Variants in BMPR2 observed in about 807,000 individuals in gnomAD.
BMPR2 encodes bone morphogenetic protein receptor type-2.
BMPR2 carries 29 observed loss-of-function variants against 100.8 expected under a neutral mutation model. The observed-to-expected ratio is 0.29, with a 90% CI of 0.21 to 0.39. BMPR2 has a LOEUF of 0.39. Ranked by LOEUF, BMPR2 falls within the 10% of genes least tolerant of loss-of-function variation. The probability of loss-of-function intolerance (pLI) is 1.00; values close to 1 mark genes in which losing one functional copy is unlikely to be tolerated. For synonymous variants in BMPR2, 382 were observed against 442.3 expected, an observed-to-expected ratio of 0.86 and a Z score of 1.71; for missense variants, 1,011 against 1,274.5, an observed-to-expected ratio of 0.79 and a Z score of 3.15.
chr2:202,444,112 C>T (rs1043301960), intron 1 of BMPR2, among the ~76,000 whole-genome samples: 3 of 150,540 alleles, frequency 2.0e-5, no homozygotes, highest in African/African-American at 7.5e-5. Context: ...ACTTTATGGC[C>T]CTAAAGAAAG....
At chr2:202,391,970 C>T (rs575735863) in intron 1 of BMPR2, among the ~76,000 whole-genome samples, 303 of 152,034 alleles carry the variant, frequency 2.0e-3, no homozygotes, top group African/African-American at 6.8e-3. Flanking sequence ...CCATATTGCC[C>T]GGGATGGTCT....
chr2:202,468,444 C>T (rs1439589499), intron 3 of BMPR2, among the ~76,000 whole-genome samples: 24 of 152,268 alleles, frequency 1.6e-4, no homozygotes, highest in Non-Finnish European at 1.5e-5. Flanking sequence ...GCCCTCTAAC[C>T]TAGGTGACAC....
intron 1 of BMPR2, among the ~76,000 whole-genome samples, chr2:202,395,047 C>T (rs1436438257): frequency 2.0e-5 from 3 of 151,972 alleles, no homozygotes; most frequent in Non-Finnish European, 4.4e-5. Flanking sequence ...CCACGCCTGG[C>T]TAATTTTTGT....
chr2:202,510,539 A>G (rs1687600378), intron 3 of BMPR2, among the ~76,000 whole-genome samples: 1 of 152,230 alleles, frequency 6.6e-6, no homozygotes, highest in South Asian at 2.1e-4. Flanking sequence ...AGGAAAAACT[A>G]TAGGCACATA....
chr2:202,483,339 G>A (rs1283835575), intron 3 of BMPR2, among the ~76,000 whole-genome samples: 1 of 150,974 alleles, frequency 6.6e-6, no homozygotes, highest in Non-Finnish European at 1.5e-5. Context: ...TAATGTGCAA[G>A]TTTTTATTTT....
chr2:202,421,310 G>GAA (rs35984037), intron 1 of BMPR2, among the ~76,000 whole-genome samples: 16 of 94,860 alleles, frequency 1.7e-4, no homozygotes, highest in African/African-American at 4.9e-4. Context: ...TCTCCAAAAG[G>GAA]AAAAAAAAAA....
chr2:202,407,914 A>C (rs1399657087), intron 1 of BMPR2, among the ~76,000 whole-genome samples: 5 of 150,132 alleles, frequency 3.3e-5, no homozygotes, highest in Non-Finnish European at 7.4e-5. Flanking sequence ...GCTCACTGCA[A>C]GCTCCGCCTC....
chr2:202,385,211 A>G (rs750950254), intron 1 of BMPR2, among the ~76,000 whole-genome samples: 7 of 151,236 alleles, frequency 4.6e-5, no homozygotes, highest in East Asian at 1.9e-4. Flanking sequence ...GAGCAAATCT[A>G]TGTAATTGTA....
intron 10 of BMPR2, among the ~76,000 whole-genome samples, chr2:202,547,720 T>C (rs950870386): frequency 1.1e-4 from 16 of 142,070 alleles, no homozygotes; most frequent in Non-Finnish European, 1.8e-4. Flanking sequence ...GAGGCAGAGG[T>C]TGCAGTGAAC....
At chr2:202,393,882 CGAGAGAGAGAGAGAGAGA>C (rs56708616) in intron 1 of BMPR2, among the ~76,000 whole-genome samples, 6,987 of 97,978 alleles carry the variant, frequency 0.071, 279 homozygotes, top group African/African-American at 0.13. Flanking sequence ...AATGAGAGAG[CGAGAGAGAGAGAGAGAGA>C]GAGAGAGAGA....
rs959997108 is a variant in BMPR2, at chr2:202,532,852, T to C, written c.1276+120T>C. 4.1e-6 allele frequency: 5 copies of C among 1,210,250 alleles called. No homozygotes were observed. Among genetic ancestry groups the C allele is most frequent in the Non-Finnish European group, 5.8e-6 (5 of 862,222 alleles). The allele number at this position is 1,210,250 out of a possible 1,614,324, so 75.0% of individuals were successfully genotyped here. A position where few individuals can be genotyped will look rare whatever the true frequency, so the allele number is the denominator to read the frequency against. On this transcript the variant is annotated intron_variant, in intron 9 of 12. Transcript: ENST00000374580. This position sits in a 1 kb window ranked among gnomAD's most constrained non-coding sequence, Gnocchi z 4.1. ...ATCTTTTTACTTTCATTTAAACCTT[T>C]AGTTCATTGCTATCTAGTGTTTAGA...
chr2:202,501,169 T>A (rs889768002), intron 3 of BMPR2, among the ~76,000 whole-genome samples: 1 of 152,200 alleles, frequency 6.6e-6, no homozygotes, highest in Non-Finnish European at 1.5e-5. Context: ...AGGTTAAATA[T>A]CTAGGCCTAA....
intron 1 of BMPR2, among the ~76,000 whole-genome samples, chr2:202,393,190 A>ATACT (rs547131535): frequency 4.5e-4 from 69 of 152,280 alleles, no homozygotes; most frequent in African/African-American, 1.5e-3. Flanking sequence ...TCACCCTAGT[A>ATACT]GTCCATTCTA....
intron 3 of BMPR2, 83 bp from the exon 4 acceptor site, chr2:202,513,636 G>C: frequency 2.0e-6 from 2 of 981,204 alleles, no homozygotes; most frequent in Non-Finnish European, 3.2e-6. Context: ...CATGGGTACA[G>C]CCTTTCTAAA....
chr2:202,480,797 A>G (rs1018277010), intron 3 of BMPR2, among the ~76,000 whole-genome samples: 4 of 151,862 alleles, frequency 2.6e-5, no homozygotes, highest in African/African-American at 9.7e-5. Flanking sequence ...ACTAAAAGAT[A>G]CAAAAAAATT....
At chr2:202,438,341 A>T (rs1352980022) in intron 1 of BMPR2, among the ~76,000 whole-genome samples, 1 of 150,038 alleles carries the variant, frequency 6.7e-6, no homozygotes, top group East Asian at 1.9e-4. Context: ...AATAAATAAA[A>T]GTTCTTTTTA....
intron 3 of BMPR2, among the ~76,000 whole-genome samples, chr2:202,480,626 T>G (rs1692638893): frequency 6.6e-6 from 1 of 152,108 alleles, no homozygotes; most frequent in Admixed American, 6.6e-5. Context: ...AATATTATTT[T>G]TCCCAATTGA....
chr2:202,378,627 A>G (rs929231517), intron 1 of BMPR2, among the ~76,000 whole-genome samples: 7 of 152,148 alleles, frequency 4.6e-5, no homozygotes, highest in African/African-American at 1.2e-4. Context: ...TGCTTTTGCT[A>G]TTGTTGAATA....
chr2:202,443,274 A>C (rs1691782644), intron 1 of BMPR2, among the ~76,000 whole-genome samples: 1 of 150,780 alleles, frequency 6.6e-6, no homozygotes, highest in Non-Finnish European at 1.5e-5. Flanking sequence ...TAGCTTTTCA[A>C]GATTTTTTAC....
Sources: allele counts gnomAD v4.1 joint callset (sites outside exome capture counted in the v4.1 genomes callset), GRCh38; gene constraint gnomAD v4.1.1; non-coding constraint Gnocchi (gnomAD v3.1); transcripts MANE v1.5; gene names NCBI Gene and HGNC (gene_info 2026-07-23, HGNC 2026-07-21).